RTN4RL1: variants seen among roughly 807,000 people sequenced by gnomAD.
RTN4RL1 encodes reticulon-4 receptor-like 1.
RTN4RL1 carries 7 observed loss-of-function variants against 25.6 expected under a neutral mutation model. The observed-to-expected ratio is 0.27, with a 90% CI of 0.16 to 0.51. RTN4RL1 has a LOEUF of 0.51. Among genes scored for constraint, RTN4RL1 ranks in the 20% least tolerant of loss-of-function variants. The probability of loss-of-function intolerance (pLI) is 0.97; values close to 1 mark genes in which losing one functional copy is unlikely to be tolerated. For missense variants in RTN4RL1, 500 were observed against 615.6 expected (o/e 0.81, Z 1.99); for synonymous variants, 297 against 288.2 (o/e 1.03, Z -0.31).
At chr17:2,012,596 GT>G (rs377749447) in intron 1 of RTN4RL1, among the ~76,000 whole-genome samples, 41 of 146,772 alleles carry the variant, frequency 2.8e-4, no homozygotes, top group East Asian at 5.9e-4. Flanking sequence ...TTCTCTCTCT[GT>G]TTTTTTTTTA....
intron 1 of RTN4RL1, among the ~76,000 whole-genome samples, chr17:1,990,745 A>C (rs1231506258): frequency 6.6e-6 from 1 of 152,214 alleles, no homozygotes; most frequent in African/African-American, 2.4e-5. Context: ...AACAGAAGAA[A>C]GGAAGGAAGG....
rs944879997 is a variant in RTN4RL1, at chr17:2,009,834, T to G, written c.13+15019A>C. Among the ~76,000 whole-genome samples the G allele has an allele frequency of 3.1e-5, 4 of 127,682 alleles. 2 individuals are homozygous for G. Among genetic ancestry groups the G allele is most frequent in the African/African-American group, 1.2e-4 (4 of 33,338 alleles). The allele number at this position is 127,682 out of a possible 152,430, so 83.8% of individuals were successfully genotyped here. On this transcript the variant is annotated intron_variant, in intron 1 of 1. Coordinates refer to ENST00000331238, the MANE Select transcript of RTN4RL1 (RefSeq NM_178568.4). ...CAAGTTCTGGTACTCTCCAAAGGAA[T>G]CTCAAACCACTCCACAGGCCACAAC...
chr17:2,022,899 G>C (rs945535414), intron 1 of RTN4RL1, among the ~76,000 whole-genome samples: 1 of 152,118 alleles, frequency 6.6e-6, no homozygotes, highest in African/African-American at 2.4e-5. Flanking sequence ...TCTTGTGCAG[G>C]GTAAGGAGCC....
In RTN4RL1 at chr17:1,935,232, C is replaced by T. The variant is rs2151302832; in HGVS notation, c.*1264G>A. 2 of 153,276 alleles carry T rather than the reference C, an allele frequency of 1.3e-5. No homozygotes were observed. The highest frequency in any genetic ancestry group is 1.9e-4 in the East Asian group (1 of 5,198). The allele number at this position is 153,276 out of a possible 1,614,324, so 9.5% of individuals were successfully genotyped here. A position where few individuals can be genotyped will look rare whatever the true frequency, so the allele number is the denominator to read the frequency against. On this transcript the variant is annotated 3_prime_UTR_variant, in exon 2 of 2. Transcript: ENST00000331238. Reference sequence around the variant, plus strand: ...ACCCTTTGGACTAACACTGTGGATGCTGCCTGGCCTGCTGGTTTCCAGATC... The same window carrying T: ...ACCCTTTGGACTAACACTGTGGATGTTGCCTGGCCTGCTGGTTTCCAGATC...
At chr17:1,975,119 C>T (rs1239599230) in intron 1 of RTN4RL1, among the ~76,000 whole-genome samples, 4 of 152,192 alleles carry the variant, frequency 2.6e-5, no homozygotes, top group African/African-American at 9.7e-5. Context: ...GCTCTGATCC[C>T]AAAATGTACT....
At chr17:1,964,385 C>T (rs989999013) in intron 1 of RTN4RL1, among the ~76,000 whole-genome samples, 4 of 152,132 alleles carry the variant, frequency 2.6e-5, no homozygotes, top group African/African-American at 9.6e-5. Context: ...TCCAGGAGTT[C>T]GAGACCAGCC....
At chr17:2,023,847 C>T (rs4530175) in intron 1 of RTN4RL1, among the ~76,000 whole-genome samples, 39,665 of 152,166 alleles carry the variant, frequency 0.26, 5,569 homozygotes, top group African/African-American at 0.36. Context: ...ACCTGAGCTC[C>T]CGCCTCAGCC....
chr17:1,996,641 T>C (rs1257638599), intron 1 of RTN4RL1, among the ~76,000 whole-genome samples: 1 of 152,216 alleles, frequency 6.6e-6, no homozygotes, highest in African/African-American at 2.4e-5. Flanking sequence ...TTTTCTCCAA[T>C]GAAATGGTTC....
intron 1 of RTN4RL1, among the ~76,000 whole-genome samples, chr17:2,004,367 C>CAAAAAAAAAAAAA (rs58690992): frequency 2.7e-5 from 1 of 36,562 alleles, no homozygotes; most frequent in Non-Finnish European, 5.8e-5. Flanking sequence ...GACTCTGTCT[C>CAAAAAAAAAAAAA]AAAAAAAAAA....
intron 1 of RTN4RL1, among the ~76,000 whole-genome samples, chr17:1,948,965 G>GT (rs1039182643): frequency 8.6e-4 from 120 of 139,486 alleles, no homozygotes; most frequent in African/African-American, 1.1e-3. Flanking sequence ...GCTAATTTTT[G>GT]TTTTTTTTTG....
chr17:1,959,098 C>T (rs1041409840), intron 1 of RTN4RL1, among the ~76,000 whole-genome samples: 1 of 152,238 alleles, frequency 6.6e-6, no homozygotes. Flanking sequence ...CTGACAATGG[C>T]TCCTTTTATT....
chr17:1,973,296 G>T (rs2066828450), intron 1 of RTN4RL1, among the ~76,000 whole-genome samples: 1 of 151,770 alleles, frequency 6.6e-6, no homozygotes, highest in South Asian at 2.1e-4. Flanking sequence ...AACCTGGGAG[G>T]TGAAGGTTGC....
At chr17:1,999,833 G>C (rs948619715) in intron 1 of RTN4RL1, among the ~76,000 whole-genome samples, 2 of 152,254 alleles carry the variant, frequency 1.3e-5, no homozygotes, top group Admixed American at 6.5e-5. Context: ...CCTCCCTCCC[G>C]GCTTTTCCTG....
intron 1 of RTN4RL1, among the ~76,000 whole-genome samples, chr17:2,005,762 T>C (rs1316076696): frequency 6.6e-6 from 1 of 150,474 alleles, no homozygotes; most frequent in Non-Finnish European, 1.5e-5. Context: ...TCTCTCTCTC[T>C]CTCCTTCTCT....
At chr17:1,948,688 G>A (rs1483713853) in intron 1 of RTN4RL1, among the ~76,000 whole-genome samples, 3 of 152,050 alleles carry the variant, frequency 2.0e-5, no homozygotes, top group Non-Finnish European at 4.4e-5. Flanking sequence ...GGTTACCTCC[G>A]TGGCGACGAG....
chr17:1,937,308 G>C lies in RTN4RL1; in HGVS notation c.514C>G (p.Leu172Val), dbSNP rs1249260804. 3 of 1,613,276 alleles carry C rather than the reference G, an allele frequency of 1.9e-6. No individual in the cohort carries two copies. The highest frequency in any genetic ancestry group is 2.5e-6 in the Non-Finnish European group (3 of 1,179,898). Residue 172 changes from leucine (L) to valine (V), a missense_variant, in exon 2 of 2, where the codon CTG becomes GTG. Leu to Val is a conservative substitution (Grantham distance 32, BLOSUM62 1). This residue lies in a region of RTN4RL1 where 232 missense variants were observed against 341.1 expected (regional missense o/e 0.68). Coordinates refer to ENST00000331238, the MANE Select transcript of RTN4RL1 (RefSeq NM_178568.4). The stretch of plus-strand genomic sequence containing the variant: ...AGAAACAGGTGGCTGAGGTTGACCA[G>C]GTCCACGAAGATGTCGTCCTGGAGG... ...EYLQDDIFVD[L>V]VNLSHLFLHG...
At chr17:1,988,417 A>AAAAAAAG (rs1467893706) in intron 1 of RTN4RL1, among the ~76,000 whole-genome samples, 27 of 148,456 alleles carry the variant, frequency 1.8e-4, no homozygotes, top group African/African-American at 6.8e-4. Context: ...AAAAAAAAAA[A>AAAAAAAG]AAAAGAAAAG....
intron 1 of RTN4RL1, among the ~76,000 whole-genome samples, chr17:2,009,269 G>A (rs2040251613): frequency 6.6e-6 from 1 of 152,100 alleles, no homozygotes; most frequent in Non-Finnish European, 1.5e-5. Flanking sequence ...AGACCAGCCT[G>A]GTCAACAAGG....
chr17:1,957,207 T>C (rs1915811241), intron 1 of RTN4RL1, among the ~76,000 whole-genome samples: 1 of 152,218 alleles, frequency 6.6e-6, no homozygotes, highest in South Asian at 2.1e-4. Flanking sequence ...GCTCCTGACA[T>C]TTGCTGATGA....
Sources: gnomAD v4.1 joint callset for allele counts (sites outside exome capture counted in the v4.1 genomes callset) on GRCh38, gnomAD v4.1.1 for gene constraint, gnomAD v4.1.1 regional missense constraint, MANE v1.5 for transcripts, NCBI Gene and HGNC (gene_info 2026-07-23, HGNC 2026-07-21) for gene names.